Variants in TEX9 observed in about 807,000 individuals in gnomAD.
TEX9 encodes the protein testis expressed 9.
Under a neutral mutation model 59.6 loss-of-function variants are expected in TEX9, and 74 were observed. That is an observed-to-expected ratio of 1.24 (90% CI 1.03 to 1.51). TEX9 has a LOEUF of 1.51. TEX9 is among the 40% of genes most tolerant of loss of function. The pLI, the probability that TEX9 is intolerant of heterozygous loss-of-function variation, is 0.00. For missense variants in TEX9, 522 were observed against 447.8 expected (o/e 1.17, Z -1.49); for synonymous variants, 186 against 152.2 (o/e 1.22, Z -1.64).
intron 1 of TEX9, among the ~76,000 whole-genome samples, chr15:56,308,282 G>A (rs1420663939): frequency 6.6e-6 from 1 of 152,112 alleles, no homozygotes; most frequent in Admixed American, 6.6e-5. Flanking sequence ...GGTGTGAAAT[G>A]GTATCTCATT....
chr15:56,424,652 CT>C, intron 10 of TEX9, among the ~76,000 whole-genome samples: 1 of 152,212 alleles, frequency 6.6e-6, no homozygotes, highest in African/African-American at 2.4e-5. Context: ...AGCCCCTGCC[CT>C]ACCTTGTGTT....
At chr15:56,310,686 T>C (rs1415594087) in intron 1 of TEX9, among the ~76,000 whole-genome samples, 5 of 152,144 alleles carry the variant, frequency 3.3e-5, no homozygotes, top group Admixed American at 6.5e-5. Flanking sequence ...AGGTTAAAGA[T>C]AGGTGGCTAG....
intron 3 of TEX9, among the ~76,000 whole-genome samples, chr15:56,380,697 G>A (rs1164699563): frequency 6.6e-6 from 1 of 152,052 alleles, no homozygotes; most frequent in Non-Finnish European, 1.5e-5. Flanking sequence ...CTATTCTAAG[G>A]TTAAAATCTA....
chr15:56,456,348 TTAAAG>T, the TEX9 span: 1 of 1,553,666 alleles, frequency 6.4e-7, no homozygotes, highest in Non-Finnish European at 8.7e-7. Context: ...ACATAAGAGT[TTAAAG>T]ATAAAGACTA....
At chr15:56,306,381 A>T (rs753465397) in intron 1 of TEX9, among the ~76,000 whole-genome samples, 2 of 152,104 alleles carry the variant, frequency 1.3e-5, no homozygotes, top group African/African-American at 4.8e-5. Context: ...TCAACAGATG[A>T]ATAAAGAAAA....
chr15:56,365,647 C>G, exon 2 of TEX9: 8 of 1,614,214 alleles, frequency 5.0e-6, no homozygotes, highest in Non-Finnish European at 6.8e-6. Flanking sequence ...GACCCGACCT[C>G]CTCGCCTTGG....
chr15:56,351,536 G>T (rs1331108350), intron 1 of TEX9, among the ~76,000 whole-genome samples: 1 of 152,170 alleles, frequency 6.6e-6, no homozygotes, highest in Admixed American at 6.5e-5. Context: ...CAGTGTGGCA[G>T]TATCTGCATA....
chr15:56,267,915 A>G lies in TEX9; in HGVS notation c.-107+23637A>G, dbSNP rs545745094. On this transcript the variant is annotated intron_variant, in intron 1 of 5. Transcript: ENST00000560827. ...TGGCATTGAATCTATAAATTACCTT[A>G]AACAGTATGGCCATTTTCACGATAT... Among the ~76,000 whole-genome samples the G allele has an allele frequency of 2.1e-3, 323 of 152,228 alleles. 2 individuals carry two copies. Among genetic ancestry groups the G allele is most frequent in the Non-Finnish European group, 3.6e-3 (248 of 67,994 alleles).
intron 3 of TEX9, among the ~76,000 whole-genome samples, chr15:56,375,381 A>AT (rs1283487955): frequency 2.6e-5 from 4 of 151,714 alleles, no homozygotes; most frequent in African/African-American, 9.7e-5. Context: ...TTTCTTGTAA[A>AT]TTTGTTTGAG....
intron 1 of TEX9, among the ~76,000 whole-genome samples, chr15:56,357,545 CCTT>C (rs1250014787): frequency 3.3e-5 from 5 of 152,082 alleles, no homozygotes; most frequent in African/African-American, 9.7e-5. Context: ...TCAAATCTAT[CCTT>C]CTTGAAATCC....
In TEX9 at chr15:56,424,956, C is replaced by A. The variant is rs143826691; in HGVS notation, c.964-2649C>A. Among the ~76,000 whole-genome samples the A allele has an allele frequency of 3.5e-4, 53 of 152,226 alleles. 1 individual carries two copies. Among genetic ancestry groups the A allele is most frequent in the African/African-American group, 1.0e-3 (42 of 41,562 alleles). ...AAAATACAGTGGTAATGAAGTTCCTCAGCTCTTATCTAGGAATGTCTTAAT... is the reference window on the plus strand; with the variant it reads ...AAAATACAGTGGTAATGAAGTTCCTAAGCTCTTATCTAGGAATGTCTTAAT... On this transcript the variant is annotated intron_variant, in intron 10 of 12. Transcript: ENST00000352903.
intron 1 of TEX9, among the ~76,000 whole-genome samples, chr15:56,360,134 T>C (rs2046764145): frequency 6.6e-6 from 1 of 152,208 alleles, no homozygotes; most frequent in African/African-American, 2.4e-5. Context: ...TTATATTGGC[T>C]AAAATTTTGT....
chr15:56,386,096 C>T (rs2047948787), intron 4 of TEX9, among the ~76,000 whole-genome samples: 1 of 151,950 alleles, frequency 6.6e-6, no homozygotes, highest in African/African-American at 2.4e-5. Context: ...TATATCCATG[C>T]AATGGAATAC....
intron 1 of TEX9, among the ~76,000 whole-genome samples, chr15:56,304,923 A>G (rs950350152): frequency 2.0e-5 from 3 of 152,134 alleles, no homozygotes; most frequent in Non-Finnish European, 4.4e-5. Context: ...GGGTGTTGCC[A>G]TGTTGCCCAG....
intron 1 of TEX9, among the ~76,000 whole-genome samples, chr15:56,275,033 C>A (rs1433666806): frequency 6.6e-6 from 1 of 152,114 alleles, no homozygotes; most frequent in Non-Finnish European, 1.5e-5. Flanking sequence ...CTGATGAGGC[C>A]AGGGGAATTC....
chr15:56,375,174 CTGT>C (rs1283327052), intron 3 of TEX9, among the ~76,000 whole-genome samples: 1 of 152,136 alleles, frequency 6.6e-6, no homozygotes, highest in East Asian at 1.9e-4. Context: ...TCTCCAGCAG[CTGT>C]TGTTTCCTGA....
At chr15:56,378,652 A>C (rs77804372) in intron 3 of TEX9, among the ~76,000 whole-genome samples, 174 of 152,016 alleles carry the variant, frequency 1.1e-3, no homozygotes, top group African/African-American at 4.1e-3. Context: ...TTTAAAAAAA[A>C]CCAACTTTTT....
chr15:56,408,528 C>A (rs2049188025), intron 9 of TEX9: 1 of 152,186 alleles, frequency 6.6e-6, no homozygotes, highest in South Asian at 2.1e-4. Flanking sequence ...ATCATCCTCA[C>A]ATTTTTGTGT....
rs2045745973 is a variant in TEX9, at chr15:56,315,923, T to C, written c.-106-57518T>C. Among the ~76,000 whole-genome samples the C allele has an allele frequency of 2.0e-5, 3 of 151,610 alleles. No individual in the cohort carries two copies. In the South Asian group the frequency reaches 6.2e-4, roughly 32 times the overall value. ...ATTTCATCTTCCATCGCTGATACCC[T>C]TTCTTCCAGTTGATCGCGTCGGCTC... is the stretch of plus-strand genomic sequence containing the variant. On this transcript the variant is annotated intron_variant, in intron 1 of 5. Coordinates refer to the TEX9 transcript ENST00000560827.
Sources: gnomAD v4.1 joint callset for allele counts (sites outside exome capture counted in the v4.1 genomes callset) on GRCh38, gnomAD v4.1.1 for gene constraint, MANE v1.5 for transcripts, NCBI Gene and HGNC (gene_info 2026-07-23, HGNC 2026-07-21) for gene names.